SMIM35: variants seen among roughly 807,000 people sequenced by gnomAD.
The protein encoded by SMIM35 is TMPRSS4 antisense RNA 1 (non-protein coding).
At chr11:118,036,820 C>T (rs1393962109) in intron 1 of SMIM35, among the ~76,000 whole-genome samples, 1 of 152,200 alleles carries the variant, frequency 6.6e-6, no homozygotes, top group Non-Finnish European at 1.5e-5. Context: ...GAAAACAGAG[C>T]TCCCATACAA....
chr11:118,011,088 G>A (rs1452389591), intron 4 of SMIM35, among the ~76,000 whole-genome samples: 1 of 152,262 alleles, frequency 6.6e-6, no homozygotes, highest in Non-Finnish European at 1.5e-5. Flanking sequence ...GCCTGCGGAA[G>A]TAAGGAAAAG....
intron 1 of SMIM35, among the ~76,000 whole-genome samples, chr11:118,032,936 G>A (rs2058330713): frequency 6.6e-6 from 1 of 151,988 alleles, no homozygotes; most frequent in Non-Finnish European, 1.5e-5. Flanking sequence ...AAAAAAAGGA[G>A]TTTTCTGGAG....
intron 1 of SMIM35, among the ~76,000 whole-genome samples, chr11:118,061,055 T>G (rs577490474): frequency 2.0e-5 from 3 of 152,332 alleles, no homozygotes; most frequent in Admixed American, 1.3e-4. Context: ...CCGCTTCTGC[T>G]GAGTCACCCA....
At chr11:118,057,545 C>G (rs1591303336) in intron 1 of SMIM35, among the ~76,000 whole-genome samples, 1 of 152,136 alleles carries the variant, frequency 6.6e-6, no homozygotes, top group South Asian at 2.1e-4. Context: ...GTGGTCACTG[C>G]TCTGTGGCCA....
chr11:118,020,010 T>C (rs2058213313), intron 1 of SMIM35, among the ~76,000 whole-genome samples: 1 of 152,226 alleles, frequency 6.6e-6, no homozygotes, highest in Admixed American at 6.5e-5. Context: ...ACGCCTGTAA[T>C]CCCAGCATTT....
chr11:118,006,123 A>G lies in SMIM35; in HGVS notation c.*287T>C, dbSNP rs1046931078. ...CCCATCCTTCACAATCAACTTTTTG[A>G]AAGAATTGAAAGACTCACTGACTCC... On this transcript the variant is annotated 3_prime_UTR_variant, in exon 5 of 5. Transcript: ENST00000689828. 1 of 152,294 alleles carries G rather than the reference A, an allele frequency of 6.6e-6. No individual in the cohort carries two copies. Among genetic ancestry groups the G allele is most frequent in the African/African-American group, 2.4e-5 (1 of 41,452 alleles). 9.4% of individuals were successfully genotyped at this position (152,294 alleles called of 1,614,324 possible).
intron 4 of SMIM35, among the ~76,000 whole-genome samples, chr11:118,009,283 T>C (rs1271936379): frequency 1.3e-5 from 2 of 152,140 alleles, no homozygotes; most frequent in Non-Finnish European, 1.5e-5. Flanking sequence ...GATGTTAGGA[T>C]AGCTGCCAGT....
chr11:118,059,826 G>A (rs1054247269), intron 1 of SMIM35, among the ~76,000 whole-genome samples: 1 of 152,208 alleles, frequency 6.6e-6, no homozygotes, highest in Non-Finnish European at 1.5e-5. Context: ...AGGGTGAGGT[G>A]CTCAATCCTA....
intron 1 of SMIM35, among the ~76,000 whole-genome samples, chr11:118,066,979 C>T (rs1944484319): frequency 6.6e-6 from 1 of 152,072 alleles, no homozygotes; most frequent in African/African-American, 2.4e-5. Context: ...TGGCCATTTG[C>T]TTGTGCTTGC....
intron 1 of SMIM35, among the ~76,000 whole-genome samples, chr11:118,017,690 G>A (rs1173238409): frequency 2.6e-5 from 4 of 152,092 alleles, no homozygotes; most frequent in African/African-American, 4.8e-5. Context: ...TAATAAAAAC[G>A]TACCTGAGAC....
At chr11:118,014,960 G>A (rs1008310678) in intron 2 of SMIM35, among the ~76,000 whole-genome samples, 5 of 152,166 alleles carry the variant, frequency 3.3e-5, no homozygotes, top group South Asian at 2.1e-4. Context: ...GAGCCCAAAA[G>A]AACCAGACCT....
intron 1 of SMIM35, among the ~76,000 whole-genome samples, chr11:118,054,166 TTTG>T (rs760878738): frequency 4.8e-5 from 6 of 125,888 alleles, no homozygotes; most frequent in African/African-American, 2.0e-4. Context: ...ATTTTTTTGT[TTTG>T]TTTTTTTGTT....
intron 1 of SMIM35, chr11:118,025,762 A>C (rs560551000): frequency 1.5e-5 from 7 of 452,072 alleles, no homozygotes; most frequent in South Asian, 1.1e-4. Flanking sequence ...TTCTGTTGAT[A>C]GTTTCTTTTG....
chr11:118,053,990 G>GT (rs1039669099), intron 1 of SMIM35, among the ~76,000 whole-genome samples: 10 of 151,892 alleles, frequency 6.6e-5, no homozygotes, highest in Non-Finnish European at 1.0e-4. Flanking sequence ...GTTTTTTGTT[G>GT]TTTTTTTCCT....
chr11:118,057,116 G>A (rs1223255992), intron 1 of SMIM35, among the ~76,000 whole-genome samples: 1 of 152,204 alleles, frequency 6.6e-6, no homozygotes, highest in African/African-American at 2.4e-5. Flanking sequence ...GGGAGATGTG[G>A]GCATAGCTAC....
chr11:118,013,292 G>A (rs1178579265), intron 4 of SMIM35, among the ~76,000 whole-genome samples: 1 of 152,226 alleles, frequency 6.6e-6, no homozygotes, highest in Non-Finnish European at 1.5e-5. Flanking sequence ...GAGATGTGGG[G>A]AAGGGATGGG....
intron 1 of SMIM35, among the ~76,000 whole-genome samples, chr11:118,045,993 G>A (rs1339791464): frequency 6.6e-6 from 1 of 152,234 alleles, no homozygotes; most frequent in African/African-American, 2.4e-5. Flanking sequence ...GATTAAGTGA[G>A]ACGTGTATGT....
intron 1 of SMIM35, 81 bp from the exon 2 acceptor site, chr11:118,015,890 T>C: frequency 2.5e-6 from 1 of 399,010 alleles, no homozygotes; most frequent in Non-Finnish European, 4.4e-6. Context: ...TTCTCCTCCC[T>C]TCCCACTGCC....
At chr11:118,070,483 C>T (rs921616370) in intron 1 of SMIM35, among the ~76,000 whole-genome samples, 1 of 152,162 alleles carries the variant, frequency 6.6e-6, no homozygotes, top group African/African-American at 2.4e-5. Flanking sequence ...AGCCTCTAGA[C>T]AGATTCTTAT....
Sources: gnomAD v4.1 joint callset for allele counts (sites outside exome capture counted in the v4.1 genomes callset) on GRCh38, gnomAD v4.1.1 for gene constraint, MANE v1.5 for transcripts, NCBI Gene and HGNC (gene_info 2026-07-23, HGNC 2026-07-21) for gene names.